MTMR8: variants seen among roughly 807,000 people sequenced by gnomAD.
MTMR8 encodes phosphatidylinositol-3,5-bisphosphate 3-phosphatase MTMR8.
Under a neutral mutation model 39.3 loss-of-function variants are expected in MTMR8, and 65 were observed. That is an observed-to-expected ratio of 1.65 (90% CI 1.35 to 2.03). The LOEUF (loss-of-function observed/expected upper bound fraction) is 2.03. Ranked by LOEUF, MTMR8 falls within the 30% of genes most tolerant of loss-of-function variation. The pLI is 0.00. For missense variants in MTMR8, 777 were observed against 538.9 expected (o/e 1.44, Z -4.37); for synonymous variants, 245 against 185.2 (o/e 1.32, Z -2.62).
chrX:64,368,492 A>G (rs1208973289), intron 1 of MTMR8, among the ~76,000 whole-genome samples: 1 of 112,031 alleles, frequency 8.9e-6, no homozygotes, highest in East Asian at 2.8e-4. Context: ...AAACCTGACA[A>G]AAACAAGAAA....
Position 64,336,259 on chromosome X carries a change from T to C in MTMR8, c.1102-131A>G, listed in dbSNP as rs1923070749. 8 of 435,714 alleles carry C rather than the reference T, an allele frequency of 1.8e-5. No homozygotes were observed. In the South Asian group the frequency reaches 2.8e-4, roughly 15 times the overall value. 35.9% of individuals were successfully genotyped at this position (435,714 alleles called of 1,213,427 possible). The stretch of plus-strand genomic sequence containing the variant: ...ATAAAATAGTTAATTTCCTAAATGA[T>C]AAATAAGTAAGTAACTTAGATTTCA... On this transcript the variant is annotated intron_variant, in intron 9 of 13. Transcript: ENST00000374852.
intron 7 of MTMR8, 39 bp from the exon 8 acceptor site, chrX:64,343,759 C>A: frequency 2.1e-6 from 2 of 965,868 alleles, no homozygotes; most frequent in Non-Finnish European, 2.9e-6. Context: ...AATTCACAAT[C>A]AACTCAGTTT....
chrX:64,336,744 C>T (rs1410191819), intron 9 of MTMR8, among the ~76,000 whole-genome samples: 2 of 111,143 alleles, frequency 1.8e-5, no homozygotes, highest in Admixed American at 9.6e-5. Flanking sequence ...TTGCAGTGAG[C>T]CAATATCGCA....
chrX:64,346,179 G>T (rs764834313), intron 6 of MTMR8, among the ~76,000 whole-genome samples: 7 of 111,287 alleles, frequency 6.3e-5, no homozygotes, highest in Non-Finnish European at 9.4e-5. Context: ...CTAATTAAGT[G>T]ATTTTCTGTT....
chrX:64,392,949 C>G (rs1257690173), intron 1 of MTMR8, among the ~76,000 whole-genome samples: 2 of 111,552 alleles, frequency 1.8e-5, no homozygotes, highest in Non-Finnish European at 1.9e-5. Flanking sequence ...TTTCTAGAAA[C>G]TGAGAAAAAA....
At chrX:64,281,539 C>T (rs1471703007) in intron 12 of MTMR8, among the ~76,000 whole-genome samples, 2 of 111,813 alleles carry the variant, frequency 1.8e-5, no homozygotes, top group South Asian at 7.4e-4. Context: ...ATACCTTATA[C>T]AAAAATTAAC....
intron 12 of MTMR8, among the ~76,000 whole-genome samples, chrX:64,282,579 C>G (rs1321148674): frequency 1.8e-5 from 2 of 111,431 alleles, no homozygotes; most frequent in Non-Finnish European, 3.8e-5. Context: ...AAAATTAACT[C>G]AAAGTGTATA....
At chrX:64,297,025 A>G (rs1400750491) in intron 12 of MTMR8, among the ~76,000 whole-genome samples, 5 of 96,404 alleles carry the variant, frequency 5.2e-5, no homozygotes, top group East Asian at 3.3e-4. Flanking sequence ...ATTGTGAATA[A>G]TGCCGCAATA....
intron 12 of MTMR8, among the ~76,000 whole-genome samples, chrX:64,293,101 A>C (rs1409834124): frequency 9.0e-6 from 1 of 111,504 alleles, no homozygotes. Flanking sequence ...GACCTGCAGC[A>C]TGATGACTTG....
intron 2 of MTMR8, among the ~76,000 whole-genome samples, chrX:64,357,147 A>C: frequency 8.9e-6 from 1 of 111,755 alleles, no homozygotes; most frequent in Admixed American, 9.5e-5. Flanking sequence ...AAAGCCATAT[A>C]ATCATGGTTT....
intron 12 of MTMR8, among the ~76,000 whole-genome samples, chrX:64,312,789 GC>G (rs1328548568): frequency 8.9e-6 from 1 of 112,111 alleles, no homozygotes; most frequent in Non-Finnish European, 1.9e-5. Flanking sequence ...TATGTTAGCG[GC>G]CATGAAAACA....
At chrX:64,380,520 T>C (rs1342846266) in intron 1 of MTMR8, among the ~76,000 whole-genome samples, 2 of 112,708 alleles carry the variant, frequency 1.8e-5, no homozygotes, top group African/African-American at 6.4e-5. Flanking sequence ...AACCACTGAA[T>C]TAATCCAAAC....
At position 64,276,674 on chromosome X, in the gene MTMR8, T is replaced by C. The variant is rs144441863; in HGVS notation, c.1482-5601A>G. ...TTGTTATGATTTCCATTCTTTTGTATTTGCTGAGGAGTGTTTTACTTCCAA... is the reference window on the plus strand; with the variant it reads ...TTGTTATGATTTCCATTCTTTTGTACTTGCTGAGGAGTGTTTTACTTCCAA... On this transcript the variant is annotated intron_variant, in intron 12 of 13. Transcript: ENST00000374852. Among the ~76,000 whole-genome samples the C allele has an allele frequency of 9.7e-3, 1,084 of 111,678 alleles. 16 individuals carry two copies. The highest frequency in any genetic ancestry group is 0.032 in the African/African-American group (976 of 30,777).
chrX:64,392,761 C>G (rs1924722505), intron 1 of MTMR8, among the ~76,000 whole-genome samples: 3 of 111,129 alleles, frequency 2.7e-5, no homozygotes, highest in Non-Finnish European at 5.7e-5. Flanking sequence ...AAGACTCAAG[C>G]AAGAGCCAAA....
chrX:64,395,108 A>T (rs1346776413), intron 1 of MTMR8, among the ~76,000 whole-genome samples: 1 of 111,896 alleles, frequency 8.9e-6, no homozygotes, highest in Non-Finnish European at 1.9e-5. Flanking sequence ...GGCGTCGCGT[A>T]AGGGGACAGT....
intron 12 of MTMR8, among the ~76,000 whole-genome samples, chrX:64,298,612 T>G (rs913456589): frequency 2.1e-5 from 2 of 94,673 alleles, no homozygotes; most frequent in Non-Finnish European, 3.8e-5. Flanking sequence ...CTTCCAACAC[T>G]ATGTTGAATA....
At chrX:64,307,297 C>A (rs900495299) in intron 12 of MTMR8, among the ~76,000 whole-genome samples, 8 of 111,860 alleles carry the variant, frequency 7.2e-5, no homozygotes, top group African/African-American at 1.9e-4. Context: ...CTTTTAGTAT[C>A]AAGTGACTTA....
At chrX:64,292,416 T>C (rs775463692) in intron 12 of MTMR8, among the ~76,000 whole-genome samples, 20 of 110,924 alleles carry the variant, frequency 1.8e-4, no homozygotes, top group Non-Finnish European at 3.4e-4. Context: ...AGTAGGTGCA[T>C]GTTGGACCTC....
At chrX:64,337,540 T>C (rs1442219432) in intron 8 of MTMR8, 147 bp from the exon 9 acceptor site, 1 of 579,274 alleles carries the variant, frequency 1.7e-6, no homozygotes, top group Non-Finnish European at 2.7e-6. Context: ...ACATCCTCTA[T>C]GGGGAATGAA....
Sources: allele counts gnomAD v4.1 joint callset (sites outside exome capture counted in the v4.1 genomes callset), GRCh38; gene constraint gnomAD v4.1.1; transcripts MANE v1.5; gene names NCBI Gene and HGNC (gene_info 2026-07-23, HGNC 2026-07-21).